Variants in RP1 observed in about 807,000 individuals in gnomAD.
The protein encoded by RP1 is RP1 axonemal microtubule associated.
Under a neutral mutation model 14.8 loss-of-function variants are expected in RP1, and 16 were observed. That is an observed-to-expected ratio of 1.08 (90% CI 0.73 to 1.65). The LOEUF is 1.65. RP1 is among the 40% of genes most tolerant of loss of function. RP1 has a pLI of 0.00. For missense variants in RP1, 2,631 were observed against 2,535.0 expected (o/e 1.04, Z -0.81); for synonymous variants, 876 against 883.6 (o/e 0.99, Z 0.15).
chr8:54,632,807 T>G (rs573345217), downstream of RP1, among the ~76,000 whole-genome samples: 102 of 152,332 alleles, frequency 6.7e-4, no homozygotes, highest in African/African-American at 2.3e-3. Context: ...TGTCACACTG[T>G]GAAATTTAGA....
chr8:54,775,707 C>T (rs927684600), intron 23 of RP1, among the ~76,000 whole-genome samples: 14 of 152,268 alleles, frequency 9.2e-5, no homozygotes, highest in Non-Finnish European at 1.9e-4. Flanking sequence ...CATTGTTTTG[C>T]GCCATCAAGT....
At position 54,712,814 on chromosome 8, in the gene RP1, A is replaced by G. The variant is rs549555523; in HGVS notation, c.2211+6159A>G. On this transcript the variant is annotated intron_variant, in intron 15 of 22. Transcript: ENST00000636932. ...CTTGTTCTTAAGAAATAGTATTGAT[A>G]CATAACAACGAAGCATATTATTTTT... Among the ~76,000 whole-genome samples, 6 of 151,908 alleles carry G rather than the reference A, an allele frequency of 3.9e-5. No individual in the cohort carries two copies. In the East Asian group the frequency reaches 1.2e-3, roughly 29 times the overall value.
intron 1 of RP1, among the ~76,000 whole-genome samples, chr8:54,598,250 A>T (rs2129303394): frequency 6.6e-6 from 1 of 152,132 alleles, no homozygotes; most frequent in South Asian, 2.1e-4. Flanking sequence ...ACTTTAACAT[A>T]TTTTAGAATT....
intron 13 of RP1, among the ~76,000 whole-genome samples, chr8:54,700,453 G>C (rs1807986196): frequency 6.6e-6 from 1 of 151,942 alleles, no homozygotes; most frequent in African/African-American, 2.4e-5. Context: ...TTCTGACTAA[G>C]TGATCAGTCA....
At chr8:54,568,143 A>C (rs1049946940) in intron 1 of RP1, among the ~76,000 whole-genome samples, 8 of 152,134 alleles carry the variant, frequency 5.3e-5, no homozygotes, top group Admixed American at 5.2e-4. Context: ...GAAGGAGGAA[A>C]AGGGGAGAAA....
chr8:54,606,518 G>T (rs1805447343), intron 1 of RP1, among the ~76,000 whole-genome samples: 1 of 152,066 alleles, frequency 6.6e-6, no homozygotes. Flanking sequence ...ACAATTATGT[G>T]TCTTGGAGTT....
intron 12 of RP1, chr8:54,697,171 G>A (rs1807888411): frequency 1.3e-6 from 1 of 799,146 alleles, no homozygotes; most frequent in Non-Finnish European, 2.1e-6. Flanking sequence ...TGAAGTGGAA[G>A]CATGTGTTTC....
At chr8:54,672,808 A>C (rs577990509) in intron 7 of RP1, among the ~76,000 whole-genome samples, 3 of 152,168 alleles carry the variant, frequency 2.0e-5, no homozygotes, top group African/African-American at 7.2e-5. Flanking sequence ...TTCCTTGAGG[A>C]CCCAACTAGT....
intron 24 of RP1, among the ~76,000 whole-genome samples, chr8:54,811,360 T>C (rs1353301489): frequency 6.6e-6 from 1 of 152,242 alleles, no homozygotes; most frequent in African/African-American, 2.4e-5. Flanking sequence ...ACACTATTTG[T>C]AATTTTAATA....
At chr8:54,826,023 G>A (rs944966016) in intron 24 of RP1, among the ~76,000 whole-genome samples, 25 of 152,200 alleles carry the variant, frequency 1.6e-4, no homozygotes, top group African/African-American at 5.1e-4. Context: ...AAGCAGGATT[G>A]TAACCACTGC....
chr8:54,584,298 T>A (rs1804865185), intron 1 of RP1, among the ~76,000 whole-genome samples: 1 of 152,238 alleles, frequency 6.6e-6, no homozygotes, highest in Admixed American at 6.5e-5. Context: ...AGTTTCCATG[T>A]AGTTGAGCGG....
At chr8:54,597,155 A>G (rs552140067) in intron 1 of RP1, among the ~76,000 whole-genome samples, 7 of 152,276 alleles carry the variant, frequency 4.6e-5, no homozygotes, top group Middle Eastern at 3.4e-3. Context: ...ACAGGCTTCA[A>G]TGTTAGATGG....
At chr8:54,765,466 G>A (rs1334936764) in intron 22 of RP1, among the ~76,000 whole-genome samples, 1 of 152,228 alleles carries the variant, frequency 6.6e-6, no homozygotes, top group Non-Finnish European at 1.5e-5. Context: ...TCCTTCTTCT[G>A]TGTAAGTATA....
intron 28 of RP1, chr8:54,869,806 C>G: frequency 1.1e-6 from 1 of 896,730 alleles, no homozygotes; most frequent in Non-Finnish European, 1.5e-6. Context: ...TTTCAATGCT[C>G]TCTCATATTA....
intron 12 of RP1, among the ~76,000 whole-genome samples, chr8:54,689,312 C>T (rs987720442): frequency 8.3e-4 from 127 of 152,226 alleles, no homozygotes; most frequent in African/African-American, 3.0e-3. Flanking sequence ...ATTTCTTTCT[C>T]TTGCCTGATT....
chr8:54,604,708 A>G (rs939401065), intron 1 of RP1, among the ~76,000 whole-genome samples: 1 of 152,196 alleles, frequency 6.6e-6, no homozygotes, highest in Non-Finnish European at 1.5e-5. Context: ...TATTGCCTCA[A>G]TTTCAGAGCC....
intron 19 of RP1, among the ~76,000 whole-genome samples, chr8:54,754,250 A>C (rs1809445130): frequency 6.6e-6 from 1 of 151,816 alleles, no homozygotes. Context: ...TACACTTAAA[A>C]GGCATTCACT....
At chr8:54,714,587 G>A (rs186759630) in intron 15 of RP1, among the ~76,000 whole-genome samples, 1 of 152,108 alleles carries the variant, frequency 6.6e-6, no homozygotes, top group Non-Finnish European at 1.5e-5. Flanking sequence ...CAACCAATCA[G>A]CAGCATTCCC....
chr8:54,706,146 G>A (rs1430224637), intron 14 of RP1, among the ~76,000 whole-genome samples: 1 of 151,872 alleles, frequency 6.6e-6, no homozygotes, highest in African/African-American at 2.4e-5. Context: ...AACATTATTT[G>A]TTTAAGGTGA....
Sources: gnomAD v4.1 joint callset for allele counts (sites outside exome capture counted in the v4.1 genomes callset) on GRCh38, gnomAD v4.1.1 for gene constraint, MANE v1.5 for transcripts, NCBI Gene and HGNC (gene_info 2026-07-23, HGNC 2026-07-21) for gene names.